Variants in SLC26A8 observed in about 807,000 individuals in gnomAD.
SLC26A8 encodes the protein solute carrier family 26 member 8, also known as testis anion transporter 1.
Under a neutral mutation model 105.0 loss-of-function variants are expected in SLC26A8, and 70 were observed. The observed-to-expected ratio is 0.67, with a 90% CI of 0.55 to 0.81. The LOEUF (loss-of-function observed/expected upper bound fraction) is 0.81, where lower values mean the gene tolerates loss of function less well. Among genes scored for constraint, SLC26A8 ranks in the 40% least tolerant of loss-of-function variants. SLC26A8 has a pLI of 0.00. For missense variants in SLC26A8, 998 were observed against 1,181.8 expected (o/e 0.84, Z 2.28); for synonymous variants, 415 against 438.3 (o/e 0.95, Z 0.66).
chr6:36,024,178 ATGGGGTAGGCGGTGGGG>A (rs1244885311), intron 1 of SLC26A8, among the ~76,000 whole-genome samples: 1 of 152,100 alleles, frequency 6.6e-6, no homozygotes, highest in African/African-American at 2.4e-5. Context: ...GAGGAAATGG[ATGGGGTAGGCGGTGGGG>A]TGCAGGTAGC....
chr6:36,003,524 T>C (rs1761587060), intron 3 of SLC26A8, among the ~76,000 whole-genome samples: 1 of 152,232 alleles, frequency 6.6e-6, no homozygotes, highest in African/African-American at 2.4e-5. Context: ...AATAGATTAA[T>C]AGATGTCAAG....
In SLC26A8 at chr6:35,961,108, A is replaced by G. The variant is rs1179749127; in HGVS notation, c.1462-9T>C. ...GTCATCATCCAAAGAGCCTTATGGA[A>G]AAGGGAATGAGGGGAAAATGATCAT... On this transcript the variant is annotated splice_polypyrimidine_tract_variant and intron_variant, in intron 12 of 19. Transcript: ENST00000490799. 1 of 1,605,452 alleles carries G rather than the reference A, an allele frequency of 6.2e-7. No homozygotes were observed. The highest frequency in any genetic ancestry group is 1.7e-5 in the Admixed American group (1 of 59,844).
chr6:35,944,069 T>C lies in SLC26A8; in HGVS notation c.2744A>G (p.Lys915Arg). The change falls in exon 20 of 20, where the codon AAA becomes AGA. Residue 915 changes from lysine to arginine, a missense_variant. Lys to Arg is a conservative substitution (Grantham distance 26). Transcript: ENST00000490799. The stretch of plus-strand genomic sequence containing the variant: ...AAAAGTGTGAGCTCTTGGCCTAGAT[T>C]TGGGGTTGGGCTCCATCTCAGGCTC... ...ETEPEMEPNP[K>R]SRPRAHTFPQ... 6.2e-7 allele frequency: 1 copy of C among 1,613,926 alleles called. No individual in the cohort carries two copies. The highest frequency in any genetic ancestry group is 8.5e-7 in the Non-Finnish European group (1 of 1,179,958).
chr6:35,995,185 T>C (rs1326455450), intron 5 of SLC26A8, among the ~76,000 whole-genome samples: 1 of 152,240 alleles, frequency 6.6e-6, no homozygotes, highest in African/African-American at 2.4e-5. Context: ...CTTCATACCA[T>C]CCCTGCCTTC....
chr6:35,980,210 T>G (rs772814470), intron 8 of SLC26A8, among the ~76,000 whole-genome samples: 2 of 152,204 alleles, frequency 1.3e-5, no homozygotes, highest in Non-Finnish European at 2.9e-5. Flanking sequence ...TGGCCTCAAG[T>G]GATCCACCTG....
rs73404100 is a variant in SLC26A8, at chr6:35,945,360, C to A, written c.2473-1020G>T. 9.3e-3 allele frequency among the ~76,000 whole-genome samples: 1,424 copies of A among 152,304 alleles called. 16 individuals carry two copies. Among genetic ancestry groups the A allele is most frequent in the African/African-American group, 0.032 (1,343 of 41,550 alleles). ...CCATTTAAAACAGCAATGGACTTAA[C>A]AACATTCTGAAACATCTTGTCTTCT... On this transcript the variant is annotated intron_variant, in intron 19 of 19. Transcript: ENST00000490799.
chr6:36,018,594 A>G (rs541588857), intron 2 of SLC26A8, among the ~76,000 whole-genome samples: 15 of 152,374 alleles, frequency 9.8e-5, no homozygotes, highest in South Asian at 2.1e-4. Flanking sequence ...TGGTTTCACA[A>G]CATTGCGAAT....
intron 7 of SLC26A8, among the ~76,000 whole-genome samples, chr6:35,990,864 C>T (rs1232701066): frequency 6.6e-6 from 1 of 151,836 alleles, no homozygotes; most frequent in Non-Finnish European, 1.5e-5. Flanking sequence ...TTATGTTTTT[C>T]AAACTTAGAA....
rs1056456705 is a variant in SLC26A8, at chr6:35,959,524, T to C, written c.1799A>G (p.Asn600Ser). The change falls in exon 16 of 20, where the codon AAT (asparagine) becomes AGT (serine). Residue 600 changes from asparagine to serine, a missense_variant. Transcript: ENST00000490799. ...CCTGCAAATCTTTCCTCCTTGTAGA[T>C]TGGTGTCACTTGAATTAAACAAGCT... is the stretch of plus-strand genomic sequence containing the variant. ...IFSLFNSSDT[N>S]LQGGKICRCF... is the part of the protein sequence containing the mutation. The C allele has an allele frequency of 1.9e-6, 3 of 1,614,012 alleles. No homozygotes were observed. The highest frequency in any genetic ancestry group is 1.1e-5 in the South Asian group (1 of 91,074).
At chr6:35,960,044 G>A (rs1488751474) in intron 14 of SLC26A8, 3 of 352,008 alleles carry the variant, frequency 8.5e-6, no homozygotes, top group Non-Finnish European at 1.5e-5. Context: ...GAGTAGCTGG[G>A]ATTACAGGCA....
chr6:35,991,645 T>G lies in SLC26A8; in HGVS notation c.942+14A>C. 6.5e-7 allele frequency: 1 copy of G among 1,530,596 alleles called. No individual in the cohort carries two copies. The highest frequency in any genetic ancestry group is 1.3e-5 in the South Asian group (1 of 77,750). 94.8% of individuals were successfully genotyped at this position (1,530,596 alleles called of 1,614,324 possible). A position where few individuals can be genotyped will look rare whatever the true frequency, so the allele number is the denominator to read the frequency against. ...TTATGCAAACTATGAATTTGAGACA[T>G]CAAAAACACCTACCAGAAATAATTC... is the stretch of plus-strand genomic sequence containing the variant. On this transcript the variant is annotated intron_variant, in intron 7 of 19. Coordinates refer to ENST00000490799, the MANE Select transcript of SLC26A8 (RefSeq NM_052961.4).
intron 17 of SLC26A8, 34 bp downstream of exon 17, chr6:35,955,118 T>C (rs1349682295): frequency 1.2e-6 from 2 of 1,613,306 alleles, no homozygotes; most frequent in Admixed American, 1.7e-5. Context: ...AGGAGGGGGA[T>C]CAGAGCTCCT....
At chr6:36,014,372 C>T (rs73729668) in intron 2 of SLC26A8, among the ~76,000 whole-genome samples, 6,579 of 151,934 alleles carry the variant, frequency 0.043, 434 homozygotes, top group African/African-American at 0.14. Flanking sequence ...TTGAAGCTGA[C>T]GGGGGAATAA....
At position 35,959,649 on chromosome 6, in the gene SLC26A8, G is replaced by C. The variant is rs556618660; in HGVS notation, c.1732-58C>G. ...GAATGGTGGAACAGAAGGTGAAAGA[G>C]TGGGAGAGAGATGCCAGTGGCGGGG... On this transcript the variant is annotated intron_variant, in intron 15 of 19. Coordinates refer to ENST00000490799, the MANE Select transcript of SLC26A8 (RefSeq NM_052961.4). The C allele has an allele frequency of 2.5e-6, 4 of 1,608,126 alleles. No homozygotes were observed. In the African/African-American group the frequency reaches 4.0e-5, roughly 16 times the overall value.
intron 3 of SLC26A8, among the ~76,000 whole-genome samples, chr6:36,007,606 A>G (rs1360415945): frequency 6.6e-6 from 1 of 152,256 alleles, no homozygotes; most frequent in Non-Finnish European, 1.5e-5. Context: ...TGATTATAAA[A>G]TGAATACGGA....
At chr6:35,999,917 G>T in intron 4 of SLC26A8, 75 bp downstream of exon 4, 3 of 968,384 alleles carry the variant, frequency 3.1e-6, no homozygotes, top group Non-Finnish European at 3.3e-6. Context: ...GCTTTATGTT[G>T]GGTACCTTAG....
chr6:35,966,184 T>C (rs905181079), intron 11 of SLC26A8, among the ~76,000 whole-genome samples: 9 of 152,184 alleles, frequency 5.9e-5, no homozygotes, highest in Non-Finnish European at 8.8e-5. Context: ...AGTGACCCGT[T>C]AGACACAACA....
intron 19 of SLC26A8, among the ~76,000 whole-genome samples, chr6:35,950,520 C>T (rs1771832507): frequency 1.3e-5 from 2 of 150,650 alleles, no homozygotes; most frequent in Non-Finnish European, 3.0e-5. Flanking sequence ...CTCCTGATCT[C>T]ATGATCTACC....
intron 17 of SLC26A8, among the ~76,000 whole-genome samples, chr6:35,953,994 T>A (rs1771967242): frequency 6.6e-6 from 1 of 152,108 alleles, no homozygotes; most frequent in Non-Finnish European, 1.5e-5. Flanking sequence ...AAAAGAGGTG[T>A]GCAAATCTCA....
Sources: allele counts gnomAD v4.1 joint callset (sites outside exome capture counted in the v4.1 genomes callset), GRCh38; gene constraint gnomAD v4.1.1; transcripts MANE v1.5; gene names NCBI Gene and HGNC (gene_info 2026-07-23, HGNC 2026-07-21).